Variants in DAAM2 observed in about 807,000 individuals in gnomAD.
DAAM2 encodes the protein disheveled-associated activator of morphogenesis 2.
Under a neutral mutation model 120.7 loss-of-function variants are expected in DAAM2, and 39 were observed. The observed-to-expected ratio is 0.32, with a 90% CI of 0.25 to 0.42. The LOEUF (loss-of-function observed/expected upper bound fraction) is 0.42, where lower values mean the gene tolerates loss of function less well. Ranked by LOEUF, DAAM2 falls within the 10% of genes least tolerant of loss-of-function variation. The pLI is 1.00. For synonymous variants in DAAM2, 488 were observed against 524.9 expected (o/e 0.93, Z 0.96); for missense variants, 1,283 against 1,401.7 (o/e 0.92, Z 1.35).
At chr6:39,810,592 C>A (rs1349717502) in intron 1 of DAAM2, among the ~76,000 whole-genome samples, 2 of 152,118 alleles carry the variant, frequency 1.3e-5, no homozygotes, top group Non-Finnish European at 2.9e-5. Flanking sequence ...CAGCCCACCT[C>A]TCCCCTGCAT....
chr6:39,880,810 G>A (rs1456432643), intron 14 of DAAM2, among the ~76,000 whole-genome samples: 2 of 152,212 alleles, frequency 1.3e-5, no homozygotes, highest in African/African-American at 2.4e-5. Context: ...AGAGCCACCT[G>A]TTAGCAGCAT....
Position 39,874,359 on chromosome 6 carries a change from A to G in DAAM2, c.1163-971A>G, listed in dbSNP as rs1764785266. ...ACAACTTTGCAATGCATGTGTCAGT[A>G]GACTTGTGGACAGGATAGATGCAGT... is the stretch of plus-strand genomic sequence containing the variant. On this transcript the variant is annotated intron_variant, in intron 10 of 24. Coordinates refer to ENST00000274867, the MANE Select transcript of DAAM2 (RefSeq NM_001201427.2). 1.3e-5 allele frequency among the ~76,000 whole-genome samples: 2 copies of G among 152,234 alleles called. 1 individual carries two copies. Among genetic ancestry groups the G allele is most frequent in the South Asian group, 4.1e-4 (2 of 4,832 alleles).
chr6:39,822,505 G>A (rs1299003026), intron 1 of DAAM2: 1 of 152,206 alleles, frequency 6.6e-6, no homozygotes, highest in Non-Finnish European at 1.5e-5. Flanking sequence ...TTTTGGATGT[G>A]AGATTAAAGC....
At chr6:39,879,063 G>T in intron 13 of DAAM2, 115 bp from the exon 14 acceptor site, 1 of 683,790 alleles carries the variant, frequency 1.5e-6, no homozygotes, top group South Asian at 1.9e-5. Flanking sequence ...GAAGATAAGG[G>T]TAGGATTTGG....
chr6:39,897,548 A>C (rs530520601), intron 21 of DAAM2: 1 of 298,144 alleles, frequency 3.4e-6, no homozygotes, highest in South Asian at 5.1e-5. Context: ...GCTGCTTGTA[A>C]GGATGAGACA....
intron 1 of DAAM2, among the ~76,000 whole-genome samples, chr6:39,815,782 A>G (rs1334485738): frequency 6.6e-6 from 1 of 152,142 alleles, no homozygotes; most frequent in Non-Finnish European, 1.5e-5. Context: ...AGCACTGGAT[A>G]AGCTTATTCT....
intron 1 of DAAM2, among the ~76,000 whole-genome samples, chr6:39,803,998 C>T (rs1044142385): frequency 9.2e-5 from 14 of 152,202 alleles, no homozygotes; most frequent in Admixed American, 7.2e-4. Context: ...CCTGGGCAGC[C>T]TGGGACAATG....
At chr6:39,809,701 A>G (rs2114052256) in intron 1 of DAAM2, among the ~76,000 whole-genome samples, 1 of 152,294 alleles carries the variant, frequency 6.6e-6, no homozygotes, top group South Asian at 2.1e-4. Flanking sequence ...ACGATGTCTA[A>G]ACTAGCGCTT....
intron 10 of DAAM2, among the ~76,000 whole-genome samples, chr6:39,875,027 G>A (rs1422475028): frequency 6.6e-6 from 1 of 152,084 alleles, no homozygotes; most frequent in African/African-American, 2.4e-5. Flanking sequence ...GCACTTCCTG[G>A]GCATAGTATG....
intron 10 of DAAM2, among the ~76,000 whole-genome samples, chr6:39,874,429 A>G (rs368381344): frequency 6.6e-6 from 1 of 152,356 alleles, no homozygotes; most frequent in African/African-American, 2.4e-5. Context: ...TCATTGCAGC[A>G]GGTCTTCATG....
Position 39,904,276 on chromosome 6 carries a change from A to ATTT in DAAM2, c.*2242_*2244dup. Reference sequence around the variant, plus strand: ...AGCCTTCTCACTCTAAAAGAAAGATATTTTTCTATTTATTTTCTACATCTG... The same window carrying ATTT: ...AGCCTTCTCACTCTAAAAGAAAGATATTTTTTTTCTATTTATTTTCTACATCTG... On this transcript the variant is annotated 3_prime_UTR_variant, in exon 25 of 25. Transcript: ENST00000274867. 6.6e-6 allele frequency: 3 copies of ATTT among 456,662 alleles called. No individual in the cohort carries two copies. The highest frequency in any genetic ancestry group is 1.3e-5 in the Non-Finnish European group (3 of 226,958). 28.3% of individuals were successfully genotyped at this position (456,662 alleles called of 1,614,324 possible). A position where few individuals can be genotyped will look rare whatever the true frequency, so the allele number is the denominator to read the frequency against.
At position 39,818,204 on chromosome 6, in the gene DAAM2, A is replaced by AAAC. The variant is rs1554167553; in HGVS notation, c.-57+25740_-57+25742dup. 2.8e-4 allele frequency among the ~76,000 whole-genome samples: 41 copies of AAAC among 146,314 alleles called. 4 individuals are homozygous for AAAC. The highest frequency in any genetic ancestry group is 9.0e-4 in the East Asian group (4 of 4,432). ...AATTAAAAAAAAAAAAAAAAAAAAAAAACTTCACAGTAACCTTTATACTGG... is the reference window on the plus strand; with the variant it reads ...AATTAAAAAAAAAAAAAAAAAAAAAAAACAACTTCACAGTAACCTTTATACTGG... On this transcript the variant is annotated intron_variant, in intron 1 of 24. Transcript: ENST00000274867.
In DAAM2 at chr6:39,884,056, A is replaced by G; in HGVS notation, c.1940A>G (p.Tyr647Cys). The change falls in exon 15 of 25, where the codon TAC (tyrosine) becomes TGC (cysteine). Residue 647 changes from tyrosine (Y) to cysteine (C), a missense_variant. Around this residue, in one of 3 missense-constraint regions of DAAM2, gnomAD observed 748 missense variants for 768.6 expected, o/e 0.97. Transcript: ENST00000274867. The stretch of plus-strand genomic sequence containing the variant: ...GATTTTGAAAAGATGTTTTCAGCCT[A>G]CCAGAGGCACCAGGTAAGACCCTAT... ...LEDFEKMFSAYQRHQKELGST... is the reference protein window; with the variant it reads ...LEDFEKMFSACQRHQKELGST... 1.9e-6 allele frequency: 3 copies of G among 1,592,860 alleles called. No homozygotes were observed. The highest frequency in any genetic ancestry group is 2.6e-6 in the Non-Finnish European group (3 of 1,163,086).
At chr6:39,900,727 T>G (rs1196852288) in intron 23 of DAAM2, among the ~76,000 whole-genome samples, 1 of 127,754 alleles carries the variant, frequency 7.8e-6, no homozygotes, top group Admixed American at 7.9e-5. Flanking sequence ...GTGAATCTGC[T>G]GCTAGTCCAT....
intron 3 of DAAM2, chr6:39,862,680 C>G (rs1299137634): frequency 6.6e-6 from 1 of 151,998 alleles, no homozygotes; most frequent in Non-Finnish European, 1.5e-5. Context: ...TGGCACATGC[C>G]TGTAATCCCA....
chr6:39,838,578 C>G (rs1470815452), intron 1 of DAAM2, among the ~76,000 whole-genome samples: 1 of 152,196 alleles, frequency 6.6e-6, no homozygotes, highest in Non-Finnish European at 1.5e-5. Context: ...GATTTTACAA[C>G]TGTCAGAGCC....
intron 9 of DAAM2, among the ~76,000 whole-genome samples, chr6:39,872,653 A>C (rs991736254): frequency 5.3e-5 from 8 of 152,232 alleles, no homozygotes; most frequent in South Asian, 4.1e-4. Flanking sequence ...CACTGAGTGC[A>C]TCCATTATAT....
chr6:39,824,160 C>T (rs1002137864), intron 1 of DAAM2, among the ~76,000 whole-genome samples: 10 of 152,190 alleles, frequency 6.6e-5, no homozygotes, highest in South Asian at 4.1e-4. Context: ...TCTCCTCAAG[C>T]GCAGGAGTCA....
intron 18 of DAAM2, 66 bp from the exon 19 acceptor site, chr6:39,891,568 T>C (rs1765721095): frequency 1.9e-6 from 3 of 1,539,568 alleles, no homozygotes; most frequent in South Asian, 2.3e-5. Context: ...TGGAGCTGGC[T>C]CCGGGAGCTG....
Sources: gnomAD v4.1 joint callset for allele counts (sites outside exome capture counted in the v4.1 genomes callset) on GRCh38, gnomAD v4.1.1 for gene constraint, gnomAD v4.1.1 regional missense constraint, MANE v1.5 for transcripts, NCBI Gene and HGNC (gene_info 2026-07-23, HGNC 2026-07-21) for gene names.